The following TFEC variants were observed in gnomAD, a reference collection of about 807,000 sequenced individuals.
TFEC encodes the protein class E basic helix-loop-helix protein 34.
In TFEC, 31 loss-of-function variants were observed where a neutral mutation model predicts 41.6. The ratio of observed to expected loss-of-function variants is 0.74; its 90% CI spans 0.56 to 1.01. The LOEUF (loss-of-function observed/expected upper bound fraction) is 1.01. TFEC is among the 50% of genes least tolerant of loss of function. TFEC has a pLI of 0.00. For synonymous variants in TFEC, 143 were observed against 140.6 expected (o/e 1.02, Z -0.12); for missense variants, 402 against 404.1 (o/e 0.99, Z 0.04).
chr7:116,096,628 T>C (rs1331787778), intron 3 of TFEC, among the ~76,000 whole-genome samples: 1 of 152,148 alleles, frequency 6.6e-6, no homozygotes, highest in Non-Finnish European at 1.5e-5. Context: ...TTGTAAAGTA[T>C]CTGTCCCGAT....
chr7:116,102,709 T>G (rs1425746920), intron 3 of TFEC, among the ~76,000 whole-genome samples: 1 of 152,162 alleles, frequency 6.6e-6, no homozygotes, highest in Non-Finnish European at 1.5e-5. Context: ...ATAAGCAAGT[T>G]TTTCATTTCA....
chr7:116,062,352 G>A (rs1796583073), intron 3 of TFEC, among the ~76,000 whole-genome samples: 1 of 146,680 alleles, frequency 6.8e-6, no homozygotes, highest in South Asian at 2.2e-4. Flanking sequence ...CTAAGTGCTG[G>A]GATTACAGGC....
chr7:115,954,069 T>C (rs1792088623), intron 5 of TFEC, among the ~76,000 whole-genome samples: 1 of 152,032 alleles, frequency 6.6e-6, no homozygotes, highest in African/African-American at 2.4e-5. Context: ...CCATCTCATA[T>C]GACCTGTTAT....
At chr7:116,035,910 T>G (rs1394577393) in intron 3 of TFEC, among the ~76,000 whole-genome samples, 4 of 152,016 alleles carry the variant, frequency 2.6e-5, no homozygotes, top group Non-Finnish European at 4.4e-5. Flanking sequence ...ACATAAAAAT[T>G]TTTAAATGTG....
intron 1 of TFEC, among the ~76,000 whole-genome samples, chr7:116,112,649 A>T (rs576694866): frequency 1.4e-4 from 22 of 152,104 alleles, no homozygotes; most frequent in Admixed American, 1.1e-3. Flanking sequence ...TCTATGACAA[A>T]CTGTAGCCCA....
chr7:116,037,899 T>G (rs1393716769), intron 3 of TFEC, among the ~76,000 whole-genome samples: 1 of 152,018 alleles, frequency 6.6e-6, no homozygotes, highest in Non-Finnish European at 1.5e-5. Flanking sequence ...AGGAACACAT[T>G]TAAAATGTGC....
At chr7:115,950,443 T>G (rs1425098290) in intron 6 of TFEC, among the ~76,000 whole-genome samples, 1 of 152,168 alleles carries the variant, frequency 6.6e-6, no homozygotes, top group Admixed American at 6.6e-5. Flanking sequence ...TTCCATTTGT[T>G]ACTTGTGTGT....
At chr7:116,128,911 T>C (rs1798270831) in intron 1 of TFEC, among the ~76,000 whole-genome samples, 1 of 151,974 alleles carries the variant, frequency 6.6e-6, no homozygotes, top group Admixed American at 6.6e-5. Context: ...ACTAAAAGAA[T>C]AGAAACAGAA....
intron 5 of TFEC, 92 bp from the exon 6 acceptor site, chr7:115,951,041 A>G: frequency 1.5e-6 from 1 of 671,556 alleles, no homozygotes; most frequent in Non-Finnish European, 2.3e-6. Context: ...TTTAAAAACA[A>G]TGGGAAAAAA....
At chr7:116,075,585 G>C (rs1187392502) in intron 3 of TFEC, among the ~76,000 whole-genome samples, 1 of 152,094 alleles carries the variant, frequency 6.6e-6, no homozygotes, top group Admixed American at 6.5e-5. Context: ...CATCTGTGTG[G>C]GAACGGGATG....
chr7:116,126,041 C>T (rs1194791341), intron 1 of TFEC, among the ~76,000 whole-genome samples: 1 of 152,112 alleles, frequency 6.6e-6, no homozygotes, highest in African/African-American at 2.4e-5. Context: ...TAGCTTCCCA[C>T]ATCCCCACCC....
chr7:116,148,782 G>C (rs966990445), intron 1 of TFEC, among the ~76,000 whole-genome samples: 2 of 150,764 alleles, frequency 1.3e-5, no homozygotes, highest in African/African-American at 4.9e-5. Context: ...GCACAATTTA[G>C]TCAGGAGCTC....
At chr7:116,111,118 A>C (rs1021373817) in intron 2 of TFEC, among the ~76,000 whole-genome samples, 3 of 151,976 alleles carry the variant, frequency 2.0e-5, no homozygotes, top group African/African-American at 7.2e-5. Flanking sequence ...AGTTAAAAAA[A>C]AAAAAAAGAT....
rs765050143 is a variant in TFEC, at chr7:115,984,218, T to C, written c.180+44A>G. 5.0e-6 allele frequency: 8 copies of C among 1,592,158 alleles called. No homozygotes were observed. The South Asian group carries it at 6.7e-5, about 13-fold the overall frequency. On this transcript the variant is annotated intron_variant, in intron 2 of 7. Coordinates refer to ENST00000265440, the MANE Select transcript of TFEC (RefSeq NM_012252.4). ...TTCAATTACTTTAATAGAGGTTTTT[T>C]CAAAAACTGATGATATATTTTTATA...
At chr7:116,015,632 C>T (rs6946453) in intron 1 of TFEC, among the ~76,000 whole-genome samples, 106,801 of 151,924 alleles carry the variant, frequency 0.7, 39,090 homozygotes, top group Non-Finnish European at 0.83. Flanking sequence ...AAAAAGAAGA[C>T]TCGTGAGCCA....
chr7:116,146,424 C>T (rs943268557), intron 1 of TFEC, among the ~76,000 whole-genome samples: 1 of 152,192 alleles, frequency 6.6e-6, no homozygotes, highest in Non-Finnish European at 1.5e-5. Flanking sequence ...CCTATTGCAG[C>T]TTTGCCTCTG....
At chr7:116,062,560 CATATATATAT>C (rs57742551) in intron 3 of TFEC, among the ~76,000 whole-genome samples, 4,142 of 101,602 alleles carry the variant, frequency 0.041, 124 homozygotes, top group Middle Eastern at 0.057. Context: ...GAGTAGTACT[CATATATATAT>C]ATATATATAT....
At chr7:116,048,803 C>T (rs1417229188) in intron 3 of TFEC, among the ~76,000 whole-genome samples, 1 of 152,194 alleles carries the variant, frequency 6.6e-6, no homozygotes, top group African/African-American at 2.4e-5. Context: ...CTCTACAAGC[C>T]AGAAGAGAGT....
At chr7:116,048,772 C>G (rs1796234309) in intron 3 of TFEC, among the ~76,000 whole-genome samples, 1 of 152,218 alleles carries the variant, frequency 6.6e-6, no homozygotes, top group Non-Finnish European at 1.5e-5. Flanking sequence ...ATCAGACTAA[C>G]AGTGGATCTC....
Sources: allele counts gnomAD v4.1 joint callset (sites outside exome capture counted in the v4.1 genomes callset), GRCh38; gene constraint gnomAD v4.1.1; transcripts MANE v1.5; gene names NCBI Gene and HGNC (gene_info 2026-07-23, HGNC 2026-07-21).